CHEK2: variants seen among roughly 807,000 people sequenced by gnomAD.
CHEK2 encodes serine/threonine-protein kinase Chk2.
In CHEK2, 71 loss-of-function variants were observed where a neutral mutation model predicts 69.1. The ratio of observed to expected loss-of-function variants is 1.03; its 90% CI spans 0.85 to 1.25. The LOEUF is 1.25. CHEK2 is among the 50% of genes most tolerant of loss of function. The probability of loss-of-function intolerance (pLI) is 0.00; values close to 1 mark genes in which losing one functional copy is unlikely to be tolerated. For missense variants in CHEK2, 664 were observed against 649.6 expected, an observed-to-expected ratio of 1.02 and a Z score of -0.24; for synonymous variants, 189 against 226.9, an observed-to-expected ratio of 0.83 and a Z score of 1.50.
chr22:28,722,527 C>A (rs1291551459), intron 4 of CHEK2, among the ~76,000 whole-genome samples: 1 of 122,236 alleles, frequency 8.2e-6, no homozygotes, highest in Non-Finnish European at 1.6e-5. Context: ...GCGATAGAGC[C>A]AGACTCCGTC....
At chr22:28,738,886 A>G (rs2054486242) in intron 1 of CHEK2, among the ~76,000 whole-genome samples, 1 of 152,232 alleles carries the variant, frequency 6.6e-6, no homozygotes. Flanking sequence ...GGGAAAAAAC[A>G]TTTCCAAACT....
rs1601716189 is a variant in CHEK2 at position 28,694,068 on chromosome 22, A to G, written c.1425T>C (p.Phe475=). Residue 475 remains phenylalanine, a synonymous_variant, in exon 13 of 15, where the codon TTT becomes TTC. Transcript: ENST00000404276. The stretch of plus-strand genomic sequence containing the variant: ...GGTGTCTTAAGGCTTCTTCTGTCGT[A>G]AAACGTGCCTTTGGATCCACTACCA... ...KLLVVDPKAR[F]TTEEALRHPW... is the part of the protein sequence containing the mutation. 1 of 1,596,188 alleles carries G rather than the reference A, an allele frequency of 6.3e-7. No homozygotes were observed.
intron 6 of CHEK2, among the ~76,000 whole-genome samples, chr22:28,711,019 G>A (rs2053371826): frequency 6.6e-6 from 1 of 152,124 alleles, no homozygotes; most frequent in African/African-American, 2.4e-5. Context: ...CTTGCCATGT[G>A]AGAATGGCAT....
chr22:28,734,537 G>A lies in CHEK2; in HGVS notation c.185C>T (p.Ser62Phe), dbSNP rs876659424. The A allele has an allele frequency of 6.2e-7, 1 of 1,613,852 alleles. No homozygotes were observed. ...SSHSSSGTLS[S>F]LETVSTQELY... ...TTCCTGAGTGGACACTGTCTCTAAG[G>A]AGCTCAGTGTCCCAGAGCTGGAGTG... The change falls in exon 2 of 15, where the codon TCC becomes TTC. Residue 62 changes from serine (S) to phenylalanine (F), a missense_variant. Physicochemically the swap from Ser to Phe is radical, Grantham distance 155. Coordinates refer to ENST00000404276, the MANE Select transcript of CHEK2 (RefSeq NM_007194.4).
chr22:28,739,921 G>T (rs915559306), intron 1 of CHEK2, among the ~76,000 whole-genome samples: 2 of 152,154 alleles, frequency 1.3e-5, no homozygotes, highest in African/African-American at 4.8e-5. Context: ...AGACTGTACT[G>T]GCCATGTACA....
chr22:28,696,796 G>T, intron 10 of CHEK2, 105 bp downstream of exon 10: 2 of 752,656 alleles, frequency 2.7e-6, no homozygotes, highest in Non-Finnish European at 4.7e-6. Flanking sequence ...CAGTGAAAGG[G>T]TCAGATTCTC....
intron 4 of CHEK2, 118 bp from the exon 5 acceptor site, chr22:28,719,603 G>A (rs904341043): frequency 4.0e-5 from 26 of 647,064 alleles, no homozygotes; most frequent in Non-Finnish European, 6.0e-5. Context: ...CATTTAACAT[G>A]TAACCTTAAG....
intron 4 of CHEK2, chr22:28,724,500 G>C (rs542514590): frequency 4.3e-6 from 1 of 232,088 alleles, no homozygotes; most frequent in African/African-American, 2.3e-5. Flanking sequence ...CTGTCTGGAT[G>C]GAACTTTTTC....
chr22:28,697,123 T>C (rs992427733), intron 9 of CHEK2, 136 bp from the exon 10 acceptor site: 18 of 683,992 alleles, frequency 2.6e-5, no homozygotes, highest in African/African-American at 2.5e-4. Flanking sequence ...TCCAAAATCA[T>C]AGAAAACTGT....
At chr22:28,703,757 C>T (rs2052993989) in intron 7 of CHEK2, among the ~76,000 whole-genome samples, 191 bp from the exon 8 acceptor site, 1 of 152,132 alleles carries the variant, frequency 6.6e-6, no homozygotes, top group Admixed American at 6.5e-5. Flanking sequence ...TGAGAACATG[C>T]AAGAAATTTT....
intron 2 of CHEK2, among the ~76,000 whole-genome samples, chr22:28,728,422 G>A (rs6005851): frequency 0.016 from 2,404 of 152,262 alleles, 43 homozygotes; most frequent in East Asian, 0.077. Context: ...CATAAGAAGT[G>A]AAAAGACTGA....
chr22:28,739,587 G>A (rs915591862), intron 1 of CHEK2, among the ~76,000 whole-genome samples: 16 of 152,008 alleles, frequency 1.1e-4, no homozygotes, highest in African/African-American at 3.4e-4. Flanking sequence ...TACTTGGGAG[G>A]CTGAGGCAGG....
chr22:28,725,075 C>T lies in CHEK2; in HGVS notation c.494G>A (p.Gly165Asp), dbSNP rs876660846. The T allele has an allele frequency of 1.2e-6, 2 of 1,614,144 alleles. No homozygotes were observed. Among genetic ancestry groups the T allele is most frequent in the South Asian group, 1.1e-5 (1 of 91,090 alleles). Residue 165 changes from glycine to aspartate, a missense_variant, in exon 4 of 15, where the codon GGC (glycine) becomes GAC (aspartate). Coordinates refer to ENST00000404276, the MANE Select transcript of CHEK2 (RefSeq NM_007194.4). ...SYIAYIEDHS[G>D]NGTFVNTELV... ...CTCTGTATTTACAAAGGTTCCATTG[C>T]CACTGTGATCTTCTATGTATGCAAT...
chr22:28,707,460 CCACACTAAAGT>C (rs750762969), intron 7 of CHEK2, among the ~76,000 whole-genome samples: 17 of 152,170 alleles, frequency 1.1e-4, no homozygotes, highest in African/African-American at 3.9e-4. Context: ...AGTTCTGCCT[CCACACTAAAGT>C]CACACTAAAG....
At chr22:28,688,282 T>C (rs948902149) in intron 14 of CHEK2, among the ~76,000 whole-genome samples, 13 of 152,196 alleles carry the variant, frequency 8.5e-5, no homozygotes, top group Admixed American at 3.9e-4. Context: ...ATATCAAGTT[T>C]AAAAGGACTA....
rs372987404 is a variant in CHEK2, at chr22:28,708,118, C to T, written c.846+1888G>A. 2.8e-4 allele frequency among the ~76,000 whole-genome samples: 43 copies of T among 151,940 alleles called. No individual in the cohort carries two copies. In the South Asian group the frequency reaches 6.6e-3, roughly 23 times the overall value. On this transcript the variant is annotated intron_variant, in intron 7 of 14. Transcript: ENST00000404276. ...CTTCCCAAAGTGCTGGGATTACAGGCGTGAGCCACCGCGCCCACCGCATTT... is the reference window on the plus strand; with the variant it reads ...CTTCCCAAAGTGCTGGGATTACAGGTGTGAGCCACCGCGCCCACCGCATTT...
intron 1 of CHEK2, among the ~76,000 whole-genome samples, chr22:28,739,538 A>G (rs1321161538): frequency 6.6e-6 from 1 of 151,706 alleles, no homozygotes; most frequent in Non-Finnish European, 1.5e-5. Context: ...AAAATATGAA[A>G]ATTAGCTGGG....
At chr22:28,735,712 T>C (rs1313545249) in intron 1 of CHEK2, among the ~76,000 whole-genome samples, 1 of 151,484 alleles carries the variant, frequency 6.6e-6, no homozygotes, top group African/African-American at 2.4e-5. Context: ...TCAAACCCCG[T>C]GTCCACTAAA....
At chr22:28,706,964 T>C (rs1427149393) in intron 7 of CHEK2, among the ~76,000 whole-genome samples, 2 of 151,888 alleles carry the variant, frequency 1.3e-5, no homozygotes, top group Non-Finnish European at 2.9e-5. Context: ...AAAAGACACA[T>C]ATAGAAAAGG....
Sources: gnomAD v4.1 joint callset for allele counts (sites outside exome capture counted in the v4.1 genomes callset) on GRCh38, gnomAD v4.1.1 for gene constraint, MANE v1.5 for transcripts, NCBI Gene and HGNC (gene_info 2026-07-23, HGNC 2026-07-21) for gene names.